Variants in EPC1 observed in about 807,000 individuals in gnomAD.
EPC1 encodes enhancer of polycomb 1, also known as enhancer of polycomb homolog 1.
Under a neutral mutation model 98.4 loss-of-function variants are expected in EPC1, and 12 were observed. The observed-to-expected ratio is 0.12, with a 90% confidence interval of 0.08 to 0.20. EPC1 has a LOEUF of 0.20. Among genes scored for constraint, EPC1 ranks in the 10% least tolerant of loss-of-function variants. The pLI, the probability that EPC1 is intolerant of heterozygous loss-of-function variation, is 1.00. For missense variants in EPC1, 729 were observed against 990.5 expected, an observed-to-expected ratio of 0.74 and a Z score of 3.54; for synonymous variants, 357 against 363.9, an observed-to-expected ratio of 0.98 and a Z score of 0.21.
intron 10 of EPC1, among the ~76,000 whole-genome samples, chr10:32,278,404 C>T (rs1445707441): frequency 6.1e-5 from 6 of 98,412 alleles, no homozygotes; most frequent in Admixed American, 2.7e-4. Context: ...TTTTTTGAGA[C>T]GGAGTCTCGC....
intron 10 of EPC1, chr10:32,281,887 T>A (rs1207230995): frequency 6.6e-6 from 1 of 152,100 alleles, no homozygotes; most frequent in African/African-American, 2.4e-5. Flanking sequence ...GCCAGGCTAG[T>A]GTGGAACTCC....
At chr10:32,297,418 T>C (rs1321056741) in intron 2 of EPC1, among the ~76,000 whole-genome samples, 1 of 151,804 alleles carries the variant, frequency 6.6e-6, no homozygotes, top group African/African-American at 2.4e-5. Context: ...CCTGAGTAGC[T>C]GGGATTACAC....
chr10:32,293,817 G>A (rs1412566779), intron 2 of EPC1, 80 bp from the exon 3 acceptor site: 2 of 1,279,668 alleles, frequency 1.6e-6, no homozygotes, highest in Middle Eastern at 2.0e-4. Context: ...ATAAAAACAA[G>A]ACCTAGACTT....
chr10:32,347,240 G>C (rs2133070829), upstream of EPC1: 1 of 1,200,894 alleles, frequency 8.3e-7, no homozygotes, highest in Non-Finnish European at 1.0e-6. Flanking sequence ...GGGAGCGCGG[G>C]CTCGAGGCCG....
In EPC1 at chr10:32,304,508, G is replaced by A. The variant is rs576900859; in HGVS notation, c.313+1264C>T. 2.0e-5 allele frequency among the ~76,000 whole-genome samples: 3 copies of A among 152,242 alleles called. No homozygotes were observed. The East Asian group carries it at 5.8e-4, about 29-fold the overall frequency. ...GTCTGTCTCTTAAATGTAACAAAAC[G>A]TGACTGCACAAGTAGACTAGTTAAA... On this transcript the variant is annotated intron_variant, in intron 2 of 13. Transcript: ENST00000319778.
intron 1 of EPC1, among the ~76,000 whole-genome samples, chr10:32,364,006 T>C (rs1369934644): frequency 1.4e-4 from 17 of 122,250 alleles, no homozygotes; most frequent in African/African-American, 5.2e-4. Flanking sequence ...GTTGGCATTT[T>C]TTTTTTTTTT....
Position 32,268,149 on chromosome 10 carries a change from T to C in EPC1, c.*914A>G, listed in dbSNP as rs1835672597. 1 of 152,196 alleles carries C rather than the reference T, an allele frequency of 6.6e-6. No homozygotes were observed. Among genetic ancestry groups the C allele is most frequent in the Non-Finnish European group, 1.5e-5 (1 of 68,046 alleles). The allele number at this position is 152,196 out of a possible 1,614,324, so 9.4% of individuals were successfully genotyped here. On this transcript the variant is annotated 3_prime_UTR_variant, in exon 14 of 14. Coordinates refer to ENST00000319778, the MANE Select transcript of EPC1 (RefSeq NM_001272004.3). Reference sequence around the variant, plus strand: ...CGACAATAAAAAAGTACAATTTTTTTTGTGCTAAAAAAAGGGCAAGACAAC... The same window carrying C: ...CGACAATAAAAAAGTACAATTTTTTCTGTGCTAAAAAAAGGGCAAGACAAC...
chr10:32,281,284 T>C (rs548942746), intron 10 of EPC1, among the ~76,000 whole-genome samples: 2 of 152,266 alleles, frequency 1.3e-5, no homozygotes, highest in South Asian at 4.1e-4. Context: ...TCTCAGGCAA[T>C]CTGCCTGCCT....
intron 10 of EPC1, among the ~76,000 whole-genome samples, chr10:32,278,467 C>T (rs1174052915): frequency 1.7e-5 from 2 of 118,830 alleles, no homozygotes; most frequent in Middle Eastern, 4.9e-3. Context: ...CTGCAAGCTC[C>T]GCCTCCCGGG....
intron 1 of EPC1, among the ~76,000 whole-genome samples, chr10:32,325,170 G>A (rs1837200306): frequency 6.6e-6 from 1 of 152,094 alleles, no homozygotes; most frequent in Non-Finnish European, 1.5e-5. Context: ...ATTGAGTATA[G>A]TCAGAAACTT....
At chr10:32,356,113 A>G (rs1839269946) in intron 1 of EPC1, among the ~76,000 whole-genome samples, 2 of 152,210 alleles carry the variant, frequency 1.3e-5, no homozygotes, top group African/African-American at 4.8e-5. Flanking sequence ...AAAGACTGTC[A>G]GGGAGGAAGG....
intron 1 of EPC1, among the ~76,000 whole-genome samples, chr10:32,309,633 A>G (rs1836088520): frequency 6.6e-6 from 1 of 151,128 alleles, no homozygotes; most frequent in Admixed American, 6.6e-5. Context: ...AGGCAGGCGG[A>G]TCACTTGAGC....
intron 10 of EPC1, among the ~76,000 whole-genome samples, chr10:32,278,591 C>A (rs565451789): frequency 4.0e-5 from 6 of 151,718 alleles, no homozygotes; most frequent in Admixed American, 3.9e-4. Context: ...CCGTTTTAGC[C>A]GGGATGGTCT....
rs531222943 is a variant in EPC1 at position 32,353,651 on chromosome 10, G to A, written c.3+24840C>T. ...CAAGATATGGTCTCTACATCCTCACGGGACTAATAATAAAGTGAGGTACTG... is the reference window on the plus strand; with the variant it reads ...CAAGATATGGTCTCTACATCCTCACAGGACTAATAATAAAGTGAGGTACTG... On this transcript the variant is annotated intron_variant, in intron 1 of 13. Transcript: ENST00000375110. Among the ~76,000 whole-genome samples, 8 of 152,268 alleles carry A rather than the reference G, an allele frequency of 5.3e-5. No individual in the cohort carries two copies. The East Asian group carries it at 1.2e-3, about 22-fold the overall frequency.
chr10:32,350,553 G>A (rs1473782342), upstream of EPC1, among the ~76,000 whole-genome samples: 1 of 152,178 alleles, frequency 6.6e-6, no homozygotes, highest in Admixed American at 6.5e-5. Context: ...GTATGATTGA[G>A]GATGAGGAGG....
At chr10:32,345,444 A>G (rs1381572390) in intron 1 of EPC1, 2 of 985,236 alleles carry the variant, frequency 2.0e-6, no homozygotes, top group Non-Finnish European at 2.4e-6. Context: ...AAATTCTTAC[A>G]GTACCAAGAG....
Position 32,273,202 on chromosome 10 carries a change from T to C in EPC1, c.1824A>G (p.Gln608=), listed in dbSNP as rs188745406. The C allele has an allele frequency of 6.2e-7, 1 of 1,614,164 alleles. No individual in the cohort carries two copies. The highest frequency in any genetic ancestry group is 1.3e-5 in the African/African-American group (1 of 75,066). ...MQKQQLAQIQ[Q]QQANSNSSTN... is the part of the protein sequence containing the mutation. ...TGGAGGAATTACTATTTGCTTGCTG[T>C]TGCTGAATTTGTGCAAGCTGCTGTT... Residue 608 remains glutamine, a synonymous_variant, in exon 11 of 14, where the codon CAA becomes CAG. Coordinates refer to ENST00000319778, the MANE Select transcript of EPC1 (RefSeq NM_001272004.3).
chr10:32,298,155 G>A (rs1226905511), intron 2 of EPC1, among the ~76,000 whole-genome samples: 4 of 152,154 alleles, frequency 2.6e-5, no homozygotes, highest in Non-Finnish European at 4.4e-5. Context: ...TTAAAGTCTA[G>A]TAATAGATAT....
chr10:32,344,284 A>G (rs1437112576), intron 1 of EPC1, among the ~76,000 whole-genome samples: 1 of 152,176 alleles, frequency 6.6e-6, no homozygotes, highest in African/African-American at 2.4e-5. Context: ...CAGCTTGTTT[A>G]CCAGGTACTT....
Sources: gnomAD v4.1 joint callset for allele counts (sites outside exome capture counted in the v4.1 genomes callset) on GRCh38, gnomAD v4.1.1 for gene constraint, MANE v1.5 for transcripts, NCBI Gene and HGNC (gene_info 2026-07-23, HGNC 2026-07-21) for gene names.